Variants in MIER1 observed in about 807,000 individuals in gnomAD.
MIER1 encodes mesoderm induction early response protein 1.
MIER1 carries 40 observed loss-of-function variants against 75.7 expected under a neutral mutation model. The ratio of observed to expected loss-of-function variants is 0.53; its 90% CI spans 0.41 to 0.69. The LOEUF (loss-of-function observed/expected upper bound fraction) is 0.69, where lower values mean the gene tolerates loss of function less well. MIER1 is among the 30% of genes least tolerant of loss of function. MIER1 has a pLI of 0.00. For missense variants in MIER1, 574 were observed against 680.2 expected (o/e 0.84, Z 1.74); for synonymous variants, 213 against 223.4 (o/e 0.95, Z 0.42).
Position 66,971,723 on chromosome 1 carries a change from A to G in MIER1, c.993A>G (p.Val331=). 6.7e-7 allele frequency: 1 copy of G among 1,485,428 alleles called. No individual in the cohort carries two copies. Among genetic ancestry groups the G allele is most frequent in the Non-Finnish European group, 9.3e-7 (1 of 1,075,092 alleles). The allele number at this position is 1,485,428 out of a possible 1,614,324, so 92.0% of individuals were successfully genotyped here. A position where few individuals can be genotyped will look rare whatever the true frequency, so the allele number is the denominator to read the frequency against. Residue 331 remains valine, a synonymous_variant, in exon 10 of 14, where the codon GTA becomes GTG. Transcript: ENST00000401041. ...EEALRRLRFN[V]KAAREELSVW... is the part of the protein sequence containing the mutation. Reference sequence around the variant, plus strand: ...CATTGAGAAGATTAAGATTTAATGTAAAAGCAGCTAGAGGTAAGTATAGTT... The same window carrying G: ...CATTGAGAAGATTAAGATTTAATGTGAAAGCAGCTAGAGGTAAGTATAGTT...
intron 2 of MIER1, chr1:66,930,363 C>A: frequency 6.2e-7 from 1 of 1,607,062 alleles, no homozygotes; most frequent in Non-Finnish European, 8.5e-7. Context: ...GCGGCCGCCG[C>A]GGAGATGTGA....
chr1:66,934,764 G>A (rs1312375592), intron 2 of MIER1, among the ~76,000 whole-genome samples: 3 of 152,000 alleles, frequency 2.0e-5, no homozygotes, highest in Admixed American at 1.3e-4. Flanking sequence ...TTTAATTTCA[G>A]TACATTCTTA....
At chr1:66,925,399 C>A in intron 1 of MIER1, 3 of 985,470 alleles carry the variant, frequency 3.0e-6, no homozygotes, top group Non-Finnish European at 3.6e-6. Context: ...CGCCTCGCCC[C>A]GTTCGCTTCG....
intron 2 of MIER1, among the ~76,000 whole-genome samples, chr1:66,939,416 C>T (rs942316791): frequency 1.3e-5 from 2 of 152,122 alleles, no homozygotes; most frequent in Admixed American, 6.6e-5. Context: ...TGCAGTCTTG[C>T]ATCAGATAAC....
intron 2 of MIER1, chr1:66,930,152 C>T: frequency 2.5e-6 from 3 of 1,218,298 alleles, no homozygotes; most frequent in Non-Finnish European, 3.1e-6. Flanking sequence ...CGCGCCCCTG[C>T]TCCGGCGCGT....
intron 7 of MIER1, among the ~76,000 whole-genome samples, chr1:66,962,671 C>CA (rs941770253): frequency 1.3e-5 from 2 of 151,740 alleles, no homozygotes; most frequent in African/African-American, 4.8e-5. Flanking sequence ...GACCCTGTCT[C>CA]AAAAAAACAA....
intron 8 of MIER1, among the ~76,000 whole-genome samples, chr1:66,969,400 C>T (rs186922915): frequency 4.6e-5 from 7 of 151,888 alleles, no homozygotes; most frequent in African/African-American, 1.7e-4. Flanking sequence ...AAAAACCTAG[C>T]CAGGTATGGT....
intron 4 of MIER1, 54 bp from the exon 5 acceptor site, chr1:66,958,005 G>A (rs1660507521): frequency 1.8e-6 from 2 of 1,125,754 alleles, no homozygotes; most frequent in Middle Eastern, 2.1e-4. Context: ...ATTATAGCCT[G>A]GGAATCAGAA....
chr1:66,971,656 CT>C lies in MIER1; in HGVS notation c.929del (p.Leu310TyrfsTer15). The C allele has an allele frequency of 7.0e-7, 1 of 1,431,312 alleles. No individual in the cohort carries two copies. The highest frequency in any genetic ancestry group is 9.7e-7 in the Non-Finnish European group (1 of 1,027,040). The allele number at this position is 1,431,312 out of a possible 1,614,324, so 88.7% of individuals were successfully genotyped here. On this transcript the variant is annotated frameshift_variant and splice_region_variant, in exon 10 of 14. Coordinates refer to ENST00000401041, the MANE Select transcript of MIER1 (RefSeq NM_001077700.3). LOFTEE classifies it high-confidence loss of function. ...TATTCAAGCCTTTTATTTTTCTAGG[CT>C]TTATATGAATTGGTTAAATGCAATT... ...EGSHIKDNEQ[A>X]LYELVKCNFD...
chr1:66,969,047 T>A (rs1049835014), intron 8 of MIER1, among the ~76,000 whole-genome samples: 8 of 152,194 alleles, frequency 5.3e-5, no homozygotes, highest in Admixed American at 4.6e-4. Flanking sequence ...ATTCATTTTA[T>A]CATGGTAGTT....
rs554946886 is a variant in MIER1 at position 66,963,276 on chromosome 1, C to T, written c.772+116C>T. ...GCCTACTAAGTAACCCCATTGTAAC[C>T]CCATTGGTTTGTGAAAGAGGACCCT... On this transcript the variant is annotated intron_variant, in intron 8 of 13. Coordinates refer to ENST00000401041, the MANE Select transcript of MIER1 (RefSeq NM_001077700.3). The T allele has an allele frequency of 1.3e-5, 8 of 623,272 alleles. No homozygotes were observed. The South Asian group carries it at 1.5e-4, about 12-fold the overall frequency. 38.6% of individuals were successfully genotyped at this position (623,272 alleles called of 1,614,324 possible).
intron 2 of MIER1, among the ~76,000 whole-genome samples, chr1:66,930,047 C>A (rs1434807264): frequency 6.6e-6 from 1 of 152,110 alleles, no homozygotes; most frequent in Non-Finnish European, 1.5e-5. Context: ...CTGGAGCCAG[C>A]GAAGCGCCCC....
intron 5 of MIER1, 134 bp downstream of exon 5, chr1:66,958,354 A>C (rs1009706609): frequency 1.7e-6 from 1 of 575,412 alleles, no homozygotes; most frequent in African/African-American, 1.9e-5. Context: ...GATATTACAG[A>C]AATACATAAT....
chr1:66,928,998 T>A (rs927561838), intron 2 of MIER1: 10 of 1,280,400 alleles, frequency 7.8e-6, no homozygotes, highest in Non-Finnish European at 1.0e-5. Context: ...ACTTCATATA[T>A]CTGTAAATGC....
intron 1 of MIER1, chr1:66,925,398 C>T (rs1287016554): frequency 8.1e-6 from 8 of 985,472 alleles, no homozygotes; most frequent in Non-Finnish European, 9.6e-6. Flanking sequence ...TCGCCTCGCC[C>T]CGTTCGCTTC....
chr1:66,969,545 C>CAAAAAAAAA (rs35924256), intron 8 of MIER1, among the ~76,000 whole-genome samples: 4 of 63,510 alleles, frequency 6.3e-5, no homozygotes, highest in Non-Finnish European at 1.1e-4. Context: ...ACTTCGTCTC[C>CAAAAAAAAA]AAAAAAAAAA....
intron 3 of MIER1, among the ~76,000 whole-genome samples, chr1:66,945,885 C>T (rs1462478932): frequency 6.6e-6 from 1 of 152,124 alleles, no homozygotes; most frequent in Non-Finnish European, 1.5e-5. Context: ...TTTTTCCACA[C>T]GAAAAGCCTG....
At chr1:66,955,332 C>T (rs1427743042) in intron 4 of MIER1, among the ~76,000 whole-genome samples, 1 of 115,802 alleles carries the variant, frequency 8.6e-6, no homozygotes, top group African/African-American at 3.4e-5. Flanking sequence ...TTAGCATCAC[C>T]TGAGTTTTTT....
At chr1:66,937,843 T>G (rs374776720) in intron 2 of MIER1, among the ~76,000 whole-genome samples, 1 of 152,188 alleles carries the variant, frequency 6.6e-6, no homozygotes, top group Non-Finnish European at 1.5e-5. Context: ...TATTTAACTT[T>G]AAAGAATCTA....
Sources: gnomAD v4.1 joint callset for allele counts (sites outside exome capture counted in the v4.1 genomes callset) on GRCh38, gnomAD v4.1.1 for gene constraint, MANE v1.5 for transcripts, NCBI Gene and HGNC (gene_info 2026-07-23, HGNC 2026-07-21) for gene names.